LGR5: variants seen among roughly 807,000 people sequenced by gnomAD.
LGR5 encodes the protein leucine rich repeat containing G protein-coupled receptor 5.
A neutral mutation model predicts 76.7 loss-of-function variants in LGR5; 54 were observed. The observed-to-expected ratio is 0.70, with a 90% CI of 0.57 to 0.88. LGR5 has a LOEUF of 0.88. LGR5 is among the 40% of genes least tolerant of loss of function. LGR5 has a pLI of 0.00. For synonymous variants in LGR5, 406 were observed against 421.9 expected (o/e 0.96, Z 0.46); for missense variants, 1,078 against 1,073.3 (o/e 1.00, Z -0.06).
At chr12:71,443,406 G>C (rs905178650) in intron 1 of LGR5, among the ~76,000 whole-genome samples, 1 of 152,104 alleles carries the variant, frequency 6.6e-6, no homozygotes, top group Non-Finnish European at 1.5e-5. Flanking sequence ...GAGTGAAAAC[G>C]CTGGAAAAAT....
Position 71,439,886 on chromosome 12 carries a change from G to A in LGR5, c.-195G>A. On this transcript the variant is annotated 5_prime_UTR_variant, in exon 1 of 18. Transcript: ENST00000266674. Reference sequence around the variant, plus strand: ...GGGCTGCTCCGAAGGCCGGCGTGGCGGCAACCGGCACCTCTGTCCCCGCCG... The same window carrying A: ...GGGCTGCTCCGAAGGCCGGCGTGGCAGCAACCGGCACCTCTGTCCCCGCCG... 1 of 543,432 alleles carries A rather than the reference G, an allele frequency of 1.8e-6. No individual in the cohort carries two copies. Among genetic ancestry groups the A allele is most frequent in the South Asian group, 2.4e-5 (1 of 41,944 alleles). 33.7% of individuals were successfully genotyped at this position (543,432 alleles called of 1,614,324 possible).
At chr12:71,569,032 T>G (rs1029420613) in intron 11 of LGR5, among the ~76,000 whole-genome samples, 1 of 152,180 alleles carries the variant, frequency 6.6e-6, no homozygotes, top group African/African-American at 2.4e-5. Context: ...ACATGGTACC[T>G]TTATATAAGA....
At chr12:71,504,839 G>A (rs1261796544) in intron 2 of LGR5, among the ~76,000 whole-genome samples, 154 bp downstream of exon 2, 1 of 151,958 alleles carries the variant, frequency 6.6e-6, no homozygotes, top group Non-Finnish European at 1.5e-5. Context: ...GTTGGGAGGG[G>A]GCAAAAATAG....
At chr12:71,542,108 C>A (rs1432716506) in intron 4 of LGR5, among the ~76,000 whole-genome samples, 1 of 152,182 alleles carries the variant, frequency 6.6e-6, no homozygotes. Flanking sequence ...TTTCTCTGTG[C>A]ATTTAGTTGT....
chr12:71,515,324 T>A (rs1227140463), intron 2 of LGR5, among the ~76,000 whole-genome samples: 1 of 152,250 alleles, frequency 6.6e-6, no homozygotes, highest in Non-Finnish European at 1.5e-5. Flanking sequence ...GTTTCATCAC[T>A]TATGTATCTT....
At chr12:71,548,450 G>A (rs1420486455) in intron 4 of LGR5, among the ~76,000 whole-genome samples, 1 of 152,116 alleles carries the variant, frequency 6.6e-6, no homozygotes, top group Non-Finnish European at 1.5e-5. Flanking sequence ...GAAATAGCCT[G>A]CATTTCTCAG....
intron 4 of LGR5, among the ~76,000 whole-genome samples, chr12:71,536,596 T>C (rs1397899179): frequency 6.6e-6 from 1 of 152,214 alleles, no homozygotes; most frequent in Non-Finnish European, 1.5e-5. Flanking sequence ...AGTTGGGGTA[T>C]CTGTGTGGCA....
chr12:71,494,933 A>G (rs1874243668), intron 1 of LGR5, among the ~76,000 whole-genome samples: 1 of 151,028 alleles, frequency 6.6e-6, no homozygotes, highest in Non-Finnish European at 1.5e-5. Context: ...TCAGGACACA[A>G]ATTGTGGAGC....
rs143912807 is a variant in LGR5 at position 71,564,638 on chromosome 12, G to A, written c.858-1766G>A. Among the ~76,000 whole-genome samples the A allele has an allele frequency of 4.7e-3, 686 of 144,734 alleles. 12 individuals carry two copies. Among genetic ancestry groups the A allele is most frequent in the African/African-American group, 0.013 (500 of 37,794 alleles). The allele number at this position is 144,734 out of a possible 152,430, so 95.0% of individuals were successfully genotyped here. A position where few individuals can be genotyped will look rare whatever the true frequency, so the allele number is the denominator to read the frequency against. On this transcript the variant is annotated intron_variant, in intron 8 of 17. Coordinates refer to ENST00000266674, the MANE Select transcript of LGR5 (RefSeq NM_003667.4). ...TGCATATATACGTATCTGTACACAC[G>A]CACTGTGTATATATACATATATGTA...
At chr12:71,498,023 G>T (rs1208838844) in intron 1 of LGR5, among the ~76,000 whole-genome samples, 1 of 152,044 alleles carries the variant, frequency 6.6e-6, no homozygotes. Flanking sequence ...AGAAGAATAA[G>T]AAGAAAGAGA....
chr12:71,494,012 C>T (rs1488903908), intron 1 of LGR5, among the ~76,000 whole-genome samples: 3 of 146,764 alleles, frequency 2.0e-5, no homozygotes, highest in African/African-American at 8.0e-5. Context: ...GGCGTGATCT[C>T]GGCTCACTGC....
intron 4 of LGR5, among the ~76,000 whole-genome samples, chr12:71,538,145 C>G (rs958626061): frequency 6.6e-6 from 1 of 152,134 alleles, no homozygotes; most frequent in Non-Finnish European, 1.5e-5. Context: ...TACAGCAGGC[C>G]TTCTCAACAC....
intron 12 of LGR5, among the ~76,000 whole-genome samples, chr12:71,572,609 T>C (rs1878664247): frequency 6.6e-6 from 1 of 152,212 alleles, no homozygotes. Context: ...GAATGATGAT[T>C]GCATGTTTGG....
chr12:71,548,251 G>A (rs1465662395), intron 4 of LGR5, among the ~76,000 whole-genome samples: 1 of 151,552 alleles, frequency 6.6e-6, no homozygotes, highest in East Asian at 1.9e-4. Context: ...TCAAAATGCA[G>A]ATATTATAAT....
chr12:71,558,852 A>G (rs1031521738), intron 6 of LGR5, among the ~76,000 whole-genome samples: 6 of 152,236 alleles, frequency 3.9e-5, no homozygotes, highest in African/African-American at 1.4e-4. Flanking sequence ...GAGTAATGAA[A>G]TTGAAAAGCC....
intron 1 of LGR5, among the ~76,000 whole-genome samples, chr12:71,454,207 G>GA (rs148885136): frequency 0.046 from 7,044 of 152,144 alleles, 211 homozygotes; most frequent in Middle Eastern, 0.099. Flanking sequence ...AGCAGGTCTG[G>GA]AAAAAACAAG....
chr12:71,544,352 T>G (rs1167384793), intron 4 of LGR5, among the ~76,000 whole-genome samples: 2 of 141,358 alleles, frequency 1.4e-5, no homozygotes, highest in Non-Finnish European at 3.0e-5. Context: ...CAGAGGTAAG[T>G]CTAAAGCAAT....
chr12:71,446,348 CTTTA>C (rs1871990333), intron 1 of LGR5, among the ~76,000 whole-genome samples: 1 of 152,132 alleles, frequency 6.6e-6, no homozygotes, highest in African/African-American at 2.4e-5. Flanking sequence ...GTATAAATTA[CTTTA>C]TTATTGTAAT....
rs373598961 is a variant in LGR5 at position 71,502,355 on chromosome 12, G to A, written c.213-2259G>A. 3.5e-4 allele frequency among the ~76,000 whole-genome samples: 53 copies of A among 151,962 alleles called. No homozygotes were observed. In the South Asian group the frequency reaches 4.6e-3, roughly 13 times the overall value. On this transcript the variant is annotated intron_variant, in intron 1 of 17. Coordinates refer to ENST00000266674, the MANE Select transcript of LGR5 (RefSeq NM_003667.4). ...TAGGATTACAGGTGCCCACCACCAT[G>A]CCCGGCTAATTTTTGTATTTTTAGT...
Sources: gnomAD v4.1 joint callset for allele counts (sites outside exome capture counted in the v4.1 genomes callset) on GRCh38, gnomAD v4.1.1 for gene constraint, MANE v1.5 for transcripts, NCBI Gene and HGNC (gene_info 2026-07-23, HGNC 2026-07-21) for gene names.